Variants in RPH3A observed in about 807,000 individuals in gnomAD.
RPH3A encodes rabphilin-3A.
RPH3A carries 48 observed loss-of-function variants against 102.2 expected under a neutral mutation model. The observed-to-expected ratio is 0.47, with a 90% CI of 0.37 to 0.60. The LOEUF is 0.60. Ranked by LOEUF, RPH3A falls within the 20% of genes least tolerant of loss-of-function variation. The pLI is 0.00. For missense variants in RPH3A, 781 were observed against 910.1 expected (o/e 0.86, Z 1.83); for synonymous variants, 310 against 324.3 (o/e 0.96, Z 0.47).
intron 1 of RPH3A, among the ~76,000 whole-genome samples, chr12:112,631,018 C>A (rs140632044): frequency 6.6e-6 from 1 of 152,150 alleles, no homozygotes; most frequent in East Asian, 1.9e-4. Context: ...AGAAAATATT[C>A]CAGGTAGGGG....
At chr12:112,714,224 C>A (rs1273993671) in intron 1 of RPH3A, among the ~76,000 whole-genome samples, 1 of 152,036 alleles carries the variant, frequency 6.6e-6, no homozygotes, top group African/African-American at 2.4e-5. Flanking sequence ...TAGGAGGGTG[C>A]CTGTATCTGG....
chr12:112,692,248 A>G (rs2136023002), intron 1 of RPH3A, among the ~76,000 whole-genome samples: 1 of 152,366 alleles, frequency 6.6e-6, no homozygotes, highest in Non-Finnish European at 1.5e-5. Context: ...AATAATTTTT[A>G]GTGTTCTATA....
At chr12:112,790,161 A>G (rs182600278), upstream of RPH3A, among the ~76,000 whole-genome samples, 115 of 151,572 alleles carry the variant, frequency 7.6e-4, no homozygotes, top group Non-Finnish European at 1.5e-3. Flanking sequence ...GGTTCATGTG[A>G]TTCTCCTGCC....
chr12:112,722,746 C>T (rs1340665626), intron 1 of RPH3A, among the ~76,000 whole-genome samples: 5 of 152,156 alleles, frequency 3.3e-5, no homozygotes, highest in Non-Finnish European at 7.4e-5. Flanking sequence ...ATGTTGTCAC[C>T]ATGAAGCAAT....
At chr12:112,635,073 T>G (rs1742995838) in intron 1 of RPH3A, among the ~76,000 whole-genome samples, 1 of 152,208 alleles carries the variant, frequency 6.6e-6, no homozygotes, top group Non-Finnish European at 1.5e-5. Flanking sequence ...ATACAGTAGG[T>G]CAGGGCTCAG....
intron 1 of RPH3A, among the ~76,000 whole-genome samples, chr12:112,578,448 G>A (rs1213733300): frequency 6.6e-6 from 1 of 152,052 alleles, no homozygotes; most frequent in Non-Finnish European, 1.5e-5. Flanking sequence ...AACTTCCTAA[G>A]AAACCAACCC....
At chr12:112,797,248 A>G (rs1565885986) in intron 2 of RPH3A, among the ~76,000 whole-genome samples, 1 of 152,142 alleles carries the variant, frequency 6.6e-6, no homozygotes, top group Non-Finnish European at 1.5e-5. Context: ...GATGCTTTGG[A>G]GCGAGTTAAT....
rs3036138 is a variant in RPH3A at position 112,576,909 on chromosome 12, C to CTTTTT, written c.-140+1600_-140+1604dup. Among the ~76,000 whole-genome samples, 110 of 114,596 alleles carry CTTTTT rather than the reference C, an allele frequency of 9.6e-4. 4 individuals are homozygous for CTTTTT. Among genetic ancestry groups the CTTTTT allele is most frequent in the South Asian group, 1.5e-3 (5 of 3,344 alleles). The allele number at this position is 114,596 out of a possible 152,430, so 75.2% of individuals were successfully genotyped here. On this transcript the variant is annotated intron_variant, in intron 1 of 21. Transcript: ENST00000543106. ...TTCTTTTCTTTTTTTTCTTTTCTTC[C>CTTTTT]TTTTTTTTTTTTTTGAGATAGAGTC...
intron 1 of RPH3A, among the ~76,000 whole-genome samples, chr12:112,584,338 T>G (rs1036369130): frequency 6.6e-6 from 1 of 152,172 alleles, no homozygotes; most frequent in African/African-American, 2.4e-5. Flanking sequence ...ATATCTACAC[T>G]CCTGGCAACA....
At chr12:112,623,530 C>T (rs2135981888) in intron 1 of RPH3A, among the ~76,000 whole-genome samples, 1 of 39,424 alleles carries the variant, frequency 2.5e-5, no homozygotes, top group Non-Finnish European at 4.1e-5. Flanking sequence ...ATATATGCAC[C>T]CAATACAGGA....
intron 1 of RPH3A, among the ~76,000 whole-genome samples, chr12:112,700,626 A>G (rs1405599333): frequency 1.3e-5 from 2 of 152,096 alleles, no homozygotes; most frequent in Non-Finnish European, 2.9e-5. Context: ...TTTGTTGGAC[A>G]TTTTCCACAT....
chr12:112,839,887 G>A (rs1054235408), intron 4 of RPH3A, among the ~76,000 whole-genome samples: 2 of 152,168 alleles, frequency 1.3e-5, no homozygotes, highest in African/African-American at 4.8e-5. Context: ...TACTCAGGAG[G>A]CTGACACAGG....
rs113940140 is a variant in RPH3A, at chr12:112,693,862, T to G, written c.-139-98281T>G. On this transcript the variant is annotated intron_variant, in intron 1 of 21. Transcript: ENST00000543106. ...CATTTATCTGTCTCTTGTTGGAACA[T>G]AAGCTTCAGGAGAGCAAAGCCTATT... Among the ~76,000 whole-genome samples, 607 of 152,374 alleles carry G rather than the reference T, an allele frequency of 4.0e-3. 2 individuals carry two copies. Among genetic ancestry groups the G allele is most frequent in the African/African-American group, 0.014 (583 of 41,600 alleles).
At chr12:112,727,010 C>G (rs2040595478) in intron 1 of RPH3A, among the ~76,000 whole-genome samples, 1 of 151,270 alleles carries the variant, frequency 6.6e-6, no homozygotes, top group African/African-American at 2.4e-5. Flanking sequence ...GCGACAGAGC[C>G]AGACTCCATC....
chr12:112,887,875 G>T lies in RPH3A; in HGVS notation c.1515G>T (p.Lys505Asn). 1 of 1,613,958 alleles carries T rather than the reference G, an allele frequency of 6.2e-7. No individual in the cohort carries two copies. Among genetic ancestry groups the T allele is most frequent in the Non-Finnish European group, 8.5e-7 (1 of 1,179,884 alleles). Residue 505 changes from lysine (K) to asparagine (N), a missense_variant, in exon 17 of 22, where the codon AAG becomes AAT. This residue lies in a region of RPH3A where 730 missense variants were observed against 810.0 expected (regional missense o/e 0.90). Coordinates refer to ENST00000389385, the MANE Select transcript of RPH3A (RefSeq NM_001143854.2). ...CCAGATTCTCCCTCAAGAAACTGAA[G>T]CCCAACCAGAGGAAGAATTTCAACA... ...GETRFSLKKLKPNQRKNFNIC... is the reference protein window; with the variant it reads ...GETRFSLKKLNPNQRKNFNIC...
intron 5 of RPH3A, among the ~76,000 whole-genome samples, chr12:112,860,657 A>G (rs1484426664): frequency 6.6e-6 from 1 of 152,230 alleles, no homozygotes; most frequent in Non-Finnish European, 1.5e-5. Context: ...AAAGCTCAAC[A>G]TGAGGCAGGA....
At chr12:112,806,357 T>C (rs1330388155) in intron 2 of RPH3A, among the ~76,000 whole-genome samples, 2 of 152,198 alleles carry the variant, frequency 1.3e-5, no homozygotes, top group African/African-American at 2.4e-5. Context: ...ATTTTCAGCT[T>C]GGTACACTGG....
At chr12:112,851,767 G>A (rs950650402) in intron 5 of RPH3A, among the ~76,000 whole-genome samples, 3 of 152,192 alleles carry the variant, frequency 2.0e-5, no homozygotes, top group African/African-American at 7.2e-5. Flanking sequence ...ATGGCCAGAA[G>A]AGAAACTCAT....
At chr12:112,578,217 G>A (rs2039372819) in intron 1 of RPH3A, among the ~76,000 whole-genome samples, 1 of 152,140 alleles carries the variant, frequency 6.6e-6, no homozygotes, top group South Asian at 2.1e-4. Context: ...TTTTTATTAT[G>A]CAAAGGTAAC....
Sources: gnomAD v4.1 joint callset for allele counts (sites outside exome capture counted in the v4.1 genomes callset) on GRCh38, gnomAD v4.1.1 for gene constraint, gnomAD v4.1.1 regional missense constraint, MANE v1.5 for transcripts, NCBI Gene and HGNC (gene_info 2026-07-23, HGNC 2026-07-21) for gene names.